CLPTM1: variants seen among roughly 807,000 people sequenced by gnomAD.
CLPTM1 encodes the protein putative lipid scramblase CLPTM1.
A neutral mutation model predicts 77.3 loss-of-function variants in CLPTM1; 21 were observed. The ratio of observed to expected loss-of-function variants is 0.27; its 90% CI spans 0.19 to 0.39. CLPTM1 has a LOEUF of 0.39. Among genes scored for constraint, CLPTM1 ranks in the 10% least tolerant of loss-of-function variants. The probability of loss-of-function intolerance (pLI) is 1.00; values close to 1 mark genes in which losing one functional copy is unlikely to be tolerated. For missense variants in CLPTM1, 642 were observed against 921.2 expected, an observed-to-expected ratio of 0.70 and a Z score of 3.92; for synonymous variants, 373 against 381.0, an observed-to-expected ratio of 0.98 and a Z score of 0.24.
chr19:44,986,254 T>G (rs1047019260), intron 6 of CLPTM1, among the ~76,000 whole-genome samples: 1 of 138,406 alleles, frequency 7.2e-6, no homozygotes, highest in Non-Finnish European at 1.5e-5. Flanking sequence ...TCCCAGCACT[T>G]TGGGAGGCCG....
At chr19:44,954,982 G>C (rs1389268193), upstream of CLPTM1, 3 of 1,535,474 alleles carry the variant, frequency 2.0e-6, no homozygotes, top group Non-Finnish European at 2.6e-6. Context: ...GTTCGAAGCC[G>C]TACAGTGGCC....
intron 8 of CLPTM1, 72 bp from the exon 9 acceptor site, chr19:44,988,008 A>C: frequency 1.7e-6 from 2 of 1,157,800 alleles, no homozygotes; most frequent in Non-Finnish European, 2.6e-6. Context: ...CCCCAGGGGC[A>C]GCCCTCGGGA....
At chr19:44,982,652 C>G (rs1312294710) in intron 5 of CLPTM1, among the ~76,000 whole-genome samples, 12 of 152,242 alleles carry the variant, frequency 7.9e-5, no homozygotes, top group Admixed American at 7.9e-4. Context: ...TGGACAGTCT[C>G]TGTCAGGTGT....
At chr19:44,986,636 C>T in intron 7 of CLPTM1, 61 bp downstream of exon 7, 1 of 1,583,226 alleles carries the variant, frequency 6.3e-7, no homozygotes, top group Non-Finnish European at 8.6e-7. Context: ...CGGGGTCCAT[C>T]TCCTTGTCTT....
At chr19:44,982,191 A>G (rs984123559) in intron 5 of CLPTM1, among the ~76,000 whole-genome samples, 6 of 151,978 alleles carry the variant, frequency 3.9e-5, no homozygotes, top group African/African-American at 9.7e-5. Flanking sequence ...TATACTAAAA[A>G]TACAAAAATT....
chr19:44,959,342 G>A (rs986021764), intron 1 of CLPTM1, among the ~76,000 whole-genome samples: 1 of 151,590 alleles, frequency 6.6e-6, no homozygotes, highest in Non-Finnish European at 1.5e-5. Flanking sequence ...TTATAGGCAT[G>A]AGCCACCACA....
chr19:44,987,655 C>G, intron 8 of CLPTM1: 1 of 590,388 alleles, frequency 1.7e-6, no homozygotes, highest in South Asian at 2.0e-5. Context: ...CCTTTGGGTC[C>G]AGACCTGTCC....
At chr19:44,969,070 G>A (rs1371160715) in intron 2 of CLPTM1, among the ~76,000 whole-genome samples, 1 of 152,166 alleles carries the variant, frequency 6.6e-6, no homozygotes, top group Non-Finnish European at 1.5e-5. Flanking sequence ...CTGCTCCAAA[G>A]TTTTTTGTAT....
intron 2 of CLPTM1, among the ~76,000 whole-genome samples, chr19:44,966,267 C>T (rs1047545297): frequency 2.0e-5 from 3 of 151,900 alleles, no homozygotes; most frequent in African/African-American, 4.8e-5. Flanking sequence ...AAAAATTAGC[C>T]GGGCATGGTG....
chr19:44,992,833 C>A lies in CLPTM1; in HGVS notation c.1946C>A (p.Ala649Asp). 1 of 1,613,698 alleles carries A rather than the reference C, an allele frequency of 6.2e-7. No individual in the cohort carries two copies. ...TSLPTKPTQG[A>D]SSASEPQEAP... The stretch of plus-strand genomic sequence containing the variant: ...CTGCCCACCAAGCCCACCCAGGGGG[C>A]CAGCTCTGCCAGCGAGCCCCAGGAA... Residue 649 changes from alanine (A) to aspartate (D), a missense_variant, in exon 14 of 14, where the codon GCC (alanine) becomes GAC (aspartate). By Grantham distance (126) the Ala-to-Asp change is moderately radical (BLOSUM62 -2). This residue lies in a region of CLPTM1 where 521 missense variants were observed against 800.4 expected (regional missense o/e 0.65). Transcript: ENST00000337392. This position sits in a 1 kb window ranked among gnomAD's most constrained non-coding sequence, Gnocchi z 7.7.
chr19:44,992,112 A>G lies in CLPTM1; in HGVS notation c.1556-121A>G. The G allele has an allele frequency of 1.0e-6, 1 of 983,874 alleles. No homozygotes were observed. The highest frequency in any genetic ancestry group is 1.5e-6 in the Non-Finnish European group (1 of 654,312). The allele number at this position is 983,874 out of a possible 1,614,324, so 60.9% of individuals were successfully genotyped here. A position where few individuals can be genotyped will look rare whatever the true frequency, so the allele number is the denominator to read the frequency against. On this transcript the variant is annotated intron_variant, in intron 12 of 13. Coordinates refer to ENST00000337392, the MANE Select transcript of CLPTM1 (RefSeq NM_001294.4). The surrounding 1 kb of genome is among the most constrained non-coding windows in gnomAD (Gnocchi z 7.7). ...CCGCTGGTAGAGTGTGCCCAGGTAT[A>G]GGAAGTGGTAGAGTGTGCCCAGGTG...
At chr19:44,958,762 C>T (rs1214285277) in intron 1 of CLPTM1, among the ~76,000 whole-genome samples, 1 of 152,228 alleles carries the variant, frequency 6.6e-6, no homozygotes, top group Admixed American at 6.5e-5. Context: ...TGTGGTGCAG[C>T]CATCACCACA....
intron 1 of CLPTM1, among the ~76,000 whole-genome samples, chr19:44,956,206 A>T (rs1218369461): frequency 6.6e-6 from 1 of 152,158 alleles, no homozygotes; most frequent in African/African-American, 2.4e-5. Context: ...ACCCACTGGG[A>T]TGTCACTGAC....
At chr19:44,982,925 G>C (rs1164865311) in intron 5 of CLPTM1, among the ~76,000 whole-genome samples, 1 of 152,144 alleles carries the variant, frequency 6.6e-6, no homozygotes, top group African/African-American at 2.4e-5. Flanking sequence ...GCTGGTCATG[G>C]TGGTGGATGC....
upstream of CLPTM1, chr19:44,954,794 C>A: frequency 7.8e-7 from 1 of 1,278,454 alleles, no homozygotes; most frequent in Non-Finnish European, 1.0e-6. Context: ...GGTTTGTTGG[C>A]CGTAAGACCC....
intron 8 of CLPTM1, chr19:44,987,628 A>G: frequency 1.5e-6 from 1 of 651,996 alleles, no homozygotes; most frequent in Non-Finnish European, 2.6e-6. Context: ...TCCTCTCCCC[A>G]GGCTGTTCTG....
At chr19:44,975,798 A>T (rs1970797303) in intron 4 of CLPTM1, among the ~76,000 whole-genome samples, 1 of 152,132 alleles carries the variant, frequency 6.6e-6, no homozygotes, top group South Asian at 2.1e-4. Context: ...TCCTGACCTC[A>T]AGTGATCCAC....
intron 7 of CLPTM1, chr19:44,986,957 A>C: frequency 1.7e-6 from 1 of 598,220 alleles, no homozygotes; most frequent in Non-Finnish European, 2.9e-6. Flanking sequence ...GCTGGAGCTG[A>C]GCCACAGCTG....
At position 44,990,965 on chromosome 19, in the gene CLPTM1, G is replaced by A. The variant is rs1430694561; in HGVS notation, c.1419+20G>A. On this transcript the variant is annotated intron_variant, in intron 11 of 13. Coordinates refer to ENST00000337392, the MANE Select transcript of CLPTM1 (RefSeq NM_001294.4). This position sits in a 1 kb window ranked among gnomAD's most constrained non-coding sequence, Gnocchi z 4.8. The stretch of plus-strand genomic sequence containing the variant: ...GATGATGTGAGTGTCCTGCACAGTG[G>A]GCCCCTGGGGGTGGTCTCCAGGTAC... 6 of 1,513,834 alleles carry A rather than the reference G, an allele frequency of 4.0e-6. No individual in the cohort carries two copies. Among genetic ancestry groups the A allele is most frequent in the African/African-American group, 4.0e-5 (2 of 50,290 alleles). The allele number at this position is 1,513,834 out of a possible 1,614,324, so 93.8% of individuals were successfully genotyped here. A position where few individuals can be genotyped will look rare whatever the true frequency, so the allele number is the denominator to read the frequency against.
Sources: allele counts gnomAD v4.1 joint callset (sites outside exome capture counted in the v4.1 genomes callset), GRCh38; gene constraint gnomAD v4.1.1; regional missense constraint gnomAD v4.1.1; non-coding constraint Gnocchi (gnomAD v3.1); transcripts MANE v1.5; gene names NCBI Gene and HGNC (gene_info 2026-07-23, HGNC 2026-07-21).